Variants in RAPGEF4 observed in about 807,000 individuals in gnomAD.
RAPGEF4 encodes Rap guanine nucleotide exchange factor 4.
A neutral mutation model predicts 147.9 loss-of-function variants in RAPGEF4; 66 were observed. The observed-to-expected ratio is 0.45, with a 90% CI of 0.37 to 0.55. The LOEUF (loss-of-function observed/expected upper bound fraction) is 0.55. RAPGEF4 is among the 20% of genes least tolerant of loss of function. The pLI is 0.00. For missense variants in RAPGEF4, 1,071 were observed against 1,257.3 expected (o/e 0.85, Z 2.24); for synonymous variants, 419 against 442.7 (o/e 0.95, Z 0.67).
At position 173,026,608 on chromosome 2, in the gene RAPGEF4, A is replaced by G. The variant is rs763674225; in HGVS notation, c.2290A>G (p.Thr764Ala). 27 of 1,613,802 alleles carry G rather than the reference A, an allele frequency of 1.7e-5. No individual in the cohort carries two copies. Among genetic ancestry groups the G allele is most frequent in the Admixed American group, 1.3e-4 (8 of 59,996 alleles). The stretch of plus-strand genomic sequence containing the variant: ...AGAACAGGAAGGCCCAACTGTTGGA[A>G]CAGTGGGAACTTTTGAACTGATGAG... ...LPEQEGPTVG[T>A]VGTFELMSSK... Residue 764 changes from threonine (T) to alanine (A), a missense_variant, in exon 24 of 31, where the codon ACA becomes GCA. Transcript: ENST00000397081.
chr2:172,859,440 G>A (rs1285796792), intron 4 of RAPGEF4, among the ~76,000 whole-genome samples: 1 of 152,220 alleles, frequency 6.6e-6, no homozygotes, highest in Non-Finnish European at 1.5e-5. Context: ...GAAAGGAATT[G>A]ACAGCTCATG....
intron 6 of RAPGEF4, among the ~76,000 whole-genome samples, chr2:172,926,594 A>G (rs1336458407): frequency 3.9e-5 from 6 of 152,020 alleles, no homozygotes; most frequent in Admixed American, 3.9e-4. Flanking sequence ...GTTTTTCAAG[A>G]TGGAGTCTCG....
intron 1 of RAPGEF4, among the ~76,000 whole-genome samples, chr2:172,764,218 G>A (rs928404626): frequency 4.7e-5 from 7 of 150,484 alleles, no homozygotes; most frequent in African/African-American, 1.7e-4. Flanking sequence ...CACGCACTGC[G>A]CTCCAGCCTG....
At chr2:172,869,857 A>G (rs544058734) in intron 4 of RAPGEF4, among the ~76,000 whole-genome samples, 2 of 152,324 alleles carry the variant, frequency 1.3e-5, no homozygotes, top group African/African-American at 4.8e-5. Context: ...TATAAAATGT[A>G]GAGGTAAAGT....
At chr2:173,022,814 A>G (rs1207027777) in intron 23 of RAPGEF4, among the ~76,000 whole-genome samples, 1 of 152,248 alleles carries the variant, frequency 6.6e-6, no homozygotes, top group Non-Finnish European at 1.5e-5. Flanking sequence ...CTAGTGGTTA[A>G]GGGTTCAGAT....
chr2:173,031,344 A>AAAGGACGGAGCTCGTGC (rs1697173497), intron 26 of RAPGEF4, among the ~76,000 whole-genome samples: 1 of 152,174 alleles, frequency 6.6e-6, no homozygotes, highest in African/African-American at 2.4e-5. Context: ...CCAGCTAGTA[A>AAAGGACGGAGCTCGTGC]AAGGACGGAG....
At position 173,036,226 on chromosome 2, in the gene RAPGEF4, G is replaced by A; in HGVS notation, c.2788+14G>A. ...TGCTCATTAAAGGTAATCCTAATAA[G>A]ATGCACAGGCCAAGCAGGTGATGAG... On this transcript the variant is annotated intron_variant, in intron 28 of 30. Coordinates refer to ENST00000397081, the MANE Select transcript of RAPGEF4 (RefSeq NM_007023.4). The A allele has an allele frequency of 6.4e-7, 1 of 1,565,308 alleles. No individual in the cohort carries two copies. Among genetic ancestry groups the A allele is most frequent in the South Asian group, 1.1e-5 (1 of 90,040 alleles).
intron 1 of RAPGEF4, chr2:172,744,520 C>T (rs965473988): frequency 7.8e-6 from 3 of 386,610 alleles, no homozygotes; most frequent in Non-Finnish European, 1.6e-5. Context: ...AGGCTCAAAC[C>T]CCAGTTTTAA....
chr2:172,810,565 C>T (rs1416418674), intron 3 of RAPGEF4, among the ~76,000 whole-genome samples: 2 of 152,170 alleles, frequency 1.3e-5, no homozygotes, highest in Non-Finnish European at 2.9e-5. Context: ...ATAGCTGGAT[C>T]AGATTGGAGG....
chr2:172,862,901 G>A (rs143379021), intron 4 of RAPGEF4, among the ~76,000 whole-genome samples: 94 of 152,272 alleles, frequency 6.2e-4, no homozygotes, highest in African/African-American at 1.8e-3. Context: ...CATTTACCCC[G>A]TGGACTGAGT....
At chr2:172,971,195 G>C (rs1690442641) in intron 10 of RAPGEF4, among the ~76,000 whole-genome samples, 1 of 152,146 alleles carries the variant, frequency 6.6e-6, no homozygotes, top group Non-Finnish European at 1.5e-5. Flanking sequence ...GTAAACTTGA[G>C]GCCAACTGTG....
Position 173,048,590 on chromosome 2 carries a change from T to C in RAPGEF4, c.2854-10T>C. 2 of 1,614,100 alleles carry C rather than the reference T, an allele frequency of 1.2e-6. No homozygotes were observed. The highest frequency in any genetic ancestry group is 2.2e-5 in the East Asian group (1 of 44,876). On this transcript the variant is annotated splice_polypyrimidine_tract_variant and intron_variant, in intron 29 of 30. Coordinates refer to ENST00000397081, the MANE Select transcript of RAPGEF4 (RefSeq NM_007023.4). ...AATTTCTATCTTTCTTTTTTCTATA[T>C]TCCTTTTAGCGCATGATTGCAAATA...
intron 15 of RAPGEF4, among the ~76,000 whole-genome samples, chr2:172,993,649 A>G (rs1476766891): frequency 6.6e-6 from 1 of 152,162 alleles, no homozygotes; most frequent in African/African-American, 2.4e-5. Flanking sequence ...GCCAAGCAGT[A>G]GGTGCCTGGC....
At chr2:172,809,410 A>G (rs1167546875) in intron 3 of RAPGEF4, among the ~76,000 whole-genome samples, 1 of 152,192 alleles carries the variant, frequency 6.6e-6, no homozygotes, top group Non-Finnish European at 1.5e-5. Context: ...GAATTAGGGT[A>G]CCCAGCAGGT....
intron 4 of RAPGEF4, among the ~76,000 whole-genome samples, chr2:172,896,803 G>A (rs1698527662): frequency 6.6e-6 from 1 of 152,194 alleles, no homozygotes; most frequent in Admixed American, 6.5e-5. Context: ...TATATGCAAA[G>A]TTGTTCATCA....
intron 4 of RAPGEF4, among the ~76,000 whole-genome samples, chr2:172,886,682 C>G (rs1697260732): frequency 6.6e-6 from 1 of 150,732 alleles, no homozygotes; most frequent in South Asian, 2.1e-4. Flanking sequence ...AGATTCCCAC[C>G]TCTACTGTCA....
chr2:172,918,092 G>C (rs1015687198), intron 5 of RAPGEF4: 1 of 712,182 alleles, frequency 1.4e-6, no homozygotes, highest in Non-Finnish European at 2.6e-6. Flanking sequence ...GTATGCTCTG[G>C]TGCCAGCTGG....
intron 29 of RAPGEF4, among the ~76,000 whole-genome samples, chr2:173,040,544 G>A (rs973398381): frequency 3.9e-5 from 6 of 152,138 alleles, no homozygotes; most frequent in Admixed American, 1.3e-4. Flanking sequence ...AGGTCACCAG[G>A]GTAGCCAGGA....
chr2:173,028,952 T>A (rs1312329540), intron 25 of RAPGEF4, among the ~76,000 whole-genome samples: 3 of 152,250 alleles, frequency 2.0e-5, no homozygotes, highest in Non-Finnish European at 4.4e-5. Flanking sequence ...TAAAGTTAGC[T>A]GATAACAAGG....
Sources: allele counts gnomAD v4.1 joint callset (sites outside exome capture counted in the v4.1 genomes callset), GRCh38; gene constraint gnomAD v4.1.1; transcripts MANE v1.5; gene names NCBI Gene and HGNC (gene_info 2026-07-23, HGNC 2026-07-21).